FAM131C: variants seen among roughly 807,000 people sequenced by gnomAD.
The protein encoded by FAM131C is protein FAM131C.
FAM131C carries 14 observed loss-of-function variants against 29.8 expected under a neutral mutation model. The observed-to-expected ratio is 0.47, with a 90% confidence interval of 0.31 to 0.73. FAM131C has a LOEUF of 0.73. Ranked by LOEUF, FAM131C falls within the 30% of genes least tolerant of loss-of-function variation. The pLI is 0.05. For missense variants in FAM131C, 252 were observed against 383.8 expected, an observed-to-expected ratio of 0.66 and a Z score of 2.87; for synonymous variants, 86 against 157.8, an observed-to-expected ratio of 0.54 and a Z score of 3.41.
rs1433446295 is a variant in FAM131C, at chr1:16,058,086, C to T, written c.*351G>A. ...ACCCCACTGTAAGTGGGTCTCAGTT[C>T]TCTCCATGGCTGTCCTCCTGGGGGC... is the stretch of plus-strand genomic sequence containing the variant. On this transcript the variant is annotated 3_prime_UTR_variant, in exon 7 of 7. Coordinates refer to ENST00000375662, the MANE Select transcript of FAM131C (RefSeq NM_182623.3). 1.1e-5 allele frequency: 2 copies of T among 178,004 alleles called. No homozygotes were observed. The highest frequency in any genetic ancestry group is 1.2e-5 in the Non-Finnish European group (1 of 84,174). The allele number at this position is 178,004 out of a possible 1,614,324, so 11.0% of individuals were successfully genotyped here. A position where few individuals can be genotyped will look rare whatever the true frequency, so the allele number is the denominator to read the frequency against.
intron 4 of FAM131C, among the ~76,000 whole-genome samples, chr1:16,061,779 G>T (rs1156930553): frequency 6.6e-6 from 1 of 151,748 alleles, no homozygotes; most frequent in Non-Finnish European, 1.5e-5. Context: ...GTCAGGCTCT[G>T]CTTCCAGGGA....
At position 16,058,838 on chromosome 1, in the gene FAM131C, C is replaced by T. The variant is rs868411626; in HGVS notation, c.563-121G>A. Reference sequence around the variant, plus strand: ...CCTCCAAATCCAGCTATGTGACGGCCGAGCCTTGTGACCTTGGTCAAGTCA... The same window carrying T: ...CCTCCAAATCCAGCTATGTGACGGCTGAGCCTTGTGACCTTGGTCAAGTCA... On this transcript the variant is annotated intron_variant, in intron 6 of 6. Coordinates refer to ENST00000375662, the MANE Select transcript of FAM131C (RefSeq NM_182623.3). The T allele has an allele frequency of 4.1e-5, 47 of 1,147,504 alleles. 2 individuals are homozygous for T. Among genetic ancestry groups the T allele is most frequent in the Middle Eastern group, 6.1e-4 (2 of 3,292 alleles). 71.1% of individuals were successfully genotyped at this position (1,147,504 alleles called of 1,614,324 possible).
At chr1:16,064,767 T>G (rs1005055848) in intron 1 of FAM131C, among the ~76,000 whole-genome samples, 4 of 152,222 alleles carry the variant, frequency 2.6e-5, no homozygotes, top group African/African-American at 9.6e-5. Context: ...TTCCTCGTCC[T>G]CCACTTCTCC....
At chr1:16,072,324 C>T (rs2023760390) in intron 1 of FAM131C, among the ~76,000 whole-genome samples, 1 of 152,204 alleles carries the variant, frequency 6.6e-6, no homozygotes, top group Non-Finnish European at 1.5e-5. Context: ...GAGCAGAAGC[C>T]CTTCGAGTCC....
rs756541389 is a variant in FAM131C, at chr1:16,058,511, T to TCCCC, written c.768_769insGGGG (p.Thr257GlyfsTer25). The TCCCC allele has an allele frequency of 5.9e-6, 9 of 1,515,996 alleles. No homozygotes were observed. The South Asian group carries it at 9.0e-5, about 15-fold the overall frequency. The allele number at this position is 1,515,996 out of a possible 1,614,324, so 93.9% of individuals were successfully genotyped here. A position where few individuals can be genotyped will look rare whatever the true frequency, so the allele number is the denominator to read the frequency against. ...GAGGGGAGGGAGCCCGGGGGGTGGG[T>TCCCC]CCCACCCTCGGGTCCTTGGGCCCCG... On this transcript the variant is annotated frameshift_variant, in exon 7 of 7. Transcript: ENST00000375662. LOFTEE classifies it high-confidence loss of function.
At chr1:16,069,625 G>A (rs1467116685) in intron 1 of FAM131C, among the ~76,000 whole-genome samples, 1 of 152,212 alleles carries the variant, frequency 6.6e-6, no homozygotes, top group Admixed American at 6.5e-5. Flanking sequence ...AGCGGGTACT[G>A]AGCCCCTGGA....
intron 2 of FAM131C, 120 bp downstream of exon 2, chr1:16,063,401 C>T: frequency 1.3e-6 from 1 of 783,660 alleles, no homozygotes. Context: ...CCTGGTCCCA[C>T]AGGGAGAAGC....
In FAM131C at chr1:16,073,566, G is replaced by T; in HGVS notation, c.-124C>A. ...GACGGGCGGGGCGGGGGGCTCGGGC[G>T]CCCTCAGCTCGGCCTCAGCTCCAGC... On this transcript the variant is annotated 5_prime_UTR_variant, in exon 1 of 7. Transcript: ENST00000375662. The T allele has an allele frequency of 2.5e-6, 1 of 401,402 alleles. No individual in the cohort carries two copies. The highest frequency in any genetic ancestry group is 3.8e-6 in the Non-Finnish European group (1 of 262,498). 24.9% of individuals were successfully genotyped at this position (401,402 alleles called of 1,614,324 possible).
intron 4 of FAM131C, among the ~76,000 whole-genome samples, chr1:16,061,057 C>A (rs2023585501): frequency 6.6e-6 from 1 of 152,094 alleles, no homozygotes; most frequent in African/African-American, 2.4e-5. Context: ...GAGAATAGAT[C>A]TGGGAGTCAC....
rs537632454 is a variant in FAM131C, at chr1:16,061,553, T to C, written c.268+546A>G. ...CCTAGTCCTCCCCAGGGGCAGCCAG[T>C]GAGTCAGCAATGGGGGAATATAAAG... On this transcript the variant is annotated intron_variant, in intron 4 of 6. Transcript: ENST00000375662. Among the ~76,000 whole-genome samples the C allele has an allele frequency of 1.1e-3, 169 of 152,146 alleles. 1 individual carries two copies. Among genetic ancestry groups the C allele is most frequent in the African/African-American group, 3.8e-3 (158 of 41,480 alleles).
chr1:16,069,246 A>G (rs982227816), intron 1 of FAM131C, among the ~76,000 whole-genome samples: 3 of 152,116 alleles, frequency 2.0e-5, no homozygotes, highest in African/African-American at 4.8e-5. Context: ...GGGTTCATGC[A>G]TACTGCCTCC....
intron 1 of FAM131C, among the ~76,000 whole-genome samples, chr1:16,065,132 AGCTCTCCACATGGAT>A (rs1481630716): frequency 2.0e-5 from 3 of 152,072 alleles, no homozygotes; most frequent in African/African-American, 7.2e-5. Flanking sequence ...CTGAGTTTCC[AGCTCTCCACATGGAT>A]GCCCAAGGGG....
intron 1 of FAM131C, 31 bp from the exon 2 acceptor site, chr1:16,063,667 C>A (rs1205414595): frequency 1.4e-6 from 2 of 1,462,910 alleles, no homozygotes; most frequent in Admixed American, 1.8e-5. Flanking sequence ...AGGAACTCAG[C>A]AAAGCCCAGC....
chr1:16,058,606 T>G lies in FAM131C; in HGVS notation c.674A>C (p.Glu225Ala), dbSNP rs2023530386. 1 of 1,570,870 alleles carries G rather than the reference T, an allele frequency of 6.4e-7. No individual in the cohort carries two copies. The highest frequency in any genetic ancestry group is 1.9e-5 in the Admixed American group (1 of 52,102). ...GATGCCAGCGGTGCTGGGGGGCTCC[T>G]CAGGTGAGGGACAGCTGTCAGGGGA... is the stretch of plus-strand genomic sequence containing the variant. ...SPSPDSCPSP[E>A]EPPSTAGIPQ... The change falls in exon 7 of 7, where the codon GAG (glutamate) becomes GCG (alanine). Residue 225 changes from glutamate to alanine, a missense_variant. Physicochemically the swap from Glu to Ala is moderately radical, Grantham distance 107. Around this residue, in one of 6 missense-constraint regions of FAM131C, gnomAD observed 11 missense variants for 76.8 expected, o/e 0.14. Transcript: ENST00000375662.
intron 3 of FAM131C, 78 bp downstream of exon 3, chr1:16,062,421 C>G (rs2023614940): frequency 3.7e-6 from 3 of 815,954 alleles, no homozygotes; most frequent in East Asian, 3.3e-5. Flanking sequence ...GACTGTGTGC[C>G]TGGGCTGGGC....
Position 16,060,205 on chromosome 1 carries a change from G to A in FAM131C, c.269-154C>T, listed in dbSNP as rs375237486. 5.2e-3 allele frequency among the ~76,000 whole-genome samples: 617 copies of A among 118,306 alleles called. 65 individuals carry two copies. The highest frequency in any genetic ancestry group is 0.016 in the African/African-American group (591 of 38,008). 77.6% of individuals were successfully genotyped at this position (118,306 alleles called of 152,430 possible). On this transcript the variant is annotated intron_variant, in intron 4 of 6. Coordinates refer to ENST00000375662, the MANE Select transcript of FAM131C (RefSeq NM_182623.3). The stretch of plus-strand genomic sequence containing the variant: ...TGCCCCCACACCTCCCCAGGGGCCT[G>A]TACCCATCTAACTCCTCACGCCCTC...
In FAM131C at chr1:16,070,853, A is replaced by G. The variant is rs149756293; in HGVS notation, c.22+2568T>C. Reference sequence around the variant, plus strand: ...AGTCACTTGCTGAGGTCACAGAGCTAGTAAATGGTGGAGCCCTGCTTCGTA... The same window carrying G: ...AGTCACTTGCTGAGGTCACAGAGCTGGTAAATGGTGGAGCCCTGCTTCGTA... On this transcript the variant is annotated intron_variant, in intron 1 of 6. Transcript: ENST00000375662. 6.4e-3 allele frequency among the ~76,000 whole-genome samples: 971 copies of G among 152,358 alleles called. 13 individuals carry two copies. The highest frequency in any genetic ancestry group is 0.022 in the African/African-American group (899 of 41,594).
chr1:16,071,711 C>T (rs1364385289), intron 1 of FAM131C, among the ~76,000 whole-genome samples: 1 of 152,224 alleles, frequency 6.6e-6, no homozygotes, highest in East Asian at 1.9e-4. Context: ...GAGAGCGTAT[C>T]TTGGCTGCTG....
intron 1 of FAM131C, among the ~76,000 whole-genome samples, chr1:16,064,961 C>G (rs1315842479): frequency 6.6e-6 from 1 of 152,192 alleles, no homozygotes; most frequent in Non-Finnish European, 1.5e-5. Context: ...GTCCTGGGTC[C>G]CCTCTTTGGC....
Sources: gnomAD v4.1 joint callset for allele counts (sites outside exome capture counted in the v4.1 genomes callset) on GRCh38, gnomAD v4.1.1 for gene constraint, gnomAD v4.1.1 regional missense constraint, MANE v1.5 for transcripts, NCBI Gene and HGNC (gene_info 2026-07-23, HGNC 2026-07-21) for gene names.